Variants in TJP1 observed in about 807,000 individuals in gnomAD.
The protein encoded by TJP1 is tight junction protein ZO-1.
TJP1 carries 43 observed loss-of-function variants against 194.2 expected under a neutral mutation model. That is an observed-to-expected ratio of 0.22 (90% CI 0.17 to 0.29). The LOEUF (loss-of-function observed/expected upper bound fraction) is 0.29, where lower values mean the gene tolerates loss of function less well. TJP1 is among the 10% of genes least tolerant of loss of function. The pLI, the probability that TJP1 is intolerant of heterozygous loss-of-function variation, is 1.00. For missense variants in TJP1, 1,971 were observed against 2,185.7 expected (o/e 0.90, Z 1.96); for synonymous variants, 801 against 779.0 (o/e 1.03, Z -0.47).
intron 1 of TJP1, among the ~76,000 whole-genome samples, chr15:29,813,569 T>C (rs905125850): frequency 6.6e-6 from 1 of 152,172 alleles, no homozygotes; most frequent in African/African-American, 2.4e-5. Flanking sequence ...GAATTCACAC[T>C]AGAAGATTCT....
Position 29,701,830 on chromosome 15 carries a change from T to C in TJP1, c.5213-141A>G, listed in dbSNP as rs1871677. 2.6e-3 allele frequency: 1,633 copies of C among 623,736 alleles called. 20 individuals carry two copies. The highest frequency in any genetic ancestry group is 0.024 in the African/African-American group (1,326 of 54,826). The allele number at this position is 623,736 out of a possible 1,614,324, so 38.6% of individuals were successfully genotyped here. On this transcript the variant is annotated intron_variant, in intron 27 of 27. Coordinates refer to ENST00000614355, the MANE Select transcript of TJP1 (RefSeq NM_001330239.4). ...CATATTGAATTTGTATCAAAACACA[T>C]TGCTGTATTTCAAAGCAGATCTGCT...
chr15:29,747,337 A>G (rs4780259), intron 8 of TJP1, among the ~76,000 whole-genome samples: 120,860 of 152,118 alleles, frequency 0.79, 48,519 homozygotes, highest in East Asian at 0.86. Flanking sequence ...ATTTTTAGCC[A>G]TTACTTGTGT....
intron 18 of TJP1, among the ~76,000 whole-genome samples, chr15:29,720,986 A>ATT (rs2042895967): frequency 6.6e-6 from 1 of 152,076 alleles, no homozygotes; most frequent in Non-Finnish European, 1.5e-5. Context: ...CAACGAAGAA[A>ATT]CTCTGACACT....
At chr15:29,945,481 T>C (rs942604887) in intron 2 of TJP1, among the ~76,000 whole-genome samples, 10 of 152,184 alleles carry the variant, frequency 6.6e-5, no homozygotes, top group African/African-American at 2.4e-4. Context: ...AGAGCTCCTC[T>C]ACTCTCTCTC....
intron 2 of TJP1, among the ~76,000 whole-genome samples, chr15:29,860,257 G>A (rs1020886559): frequency 5.3e-5 from 8 of 152,154 alleles, no homozygotes; most frequent in African/African-American, 1.9e-4. Context: ...CACTGTTTAA[G>A]TGTTATTGCA....
chr15:29,794,599 G>A (rs1338774616), intron 2 of TJP1, among the ~76,000 whole-genome samples: 1 of 152,108 alleles, frequency 6.6e-6, no homozygotes, highest in Admixed American at 6.5e-5. Context: ...ATGAGACACA[G>A]GTCTGTGGCA....
intron 2 of TJP1, among the ~76,000 whole-genome samples, chr15:29,863,069 C>T (rs1029017221): frequency 2.6e-5 from 4 of 151,530 alleles, no homozygotes; most frequent in African/African-American, 7.3e-5. Flanking sequence ...CCAAGGTGGG[C>T]GGATTCCCTG....
At chr15:29,914,739 C>T (rs1375742477) in intron 2 of TJP1, among the ~76,000 whole-genome samples, 2 of 152,130 alleles carry the variant, frequency 1.3e-5, no homozygotes, top group Non-Finnish European at 2.9e-5. Flanking sequence ...TAGCAGAGTG[C>T]TGTCACCTGA....
At position 29,742,776 on chromosome 15, in the gene TJP1, C is replaced by T; in HGVS notation, c.1016G>A (p.Arg339Gln). The change falls in exon 9 of 28, where the codon CGG becomes CAG. Residue 339 changes from arginine (R) to glutamine (Q), a missense_variant. Transcript: ENST00000614355. ...AGAAATTCTCTCTTCATCTCTACTC[C>T]GGAGACTGTGTGTCATTAAAATAAA... ...SPQQPSNGSL[R>Q]SRDEERISKP... 4 of 1,583,912 alleles carry T rather than the reference C, an allele frequency of 2.5e-6. No individual in the cohort carries two copies. The highest frequency in any genetic ancestry group is 3.4e-6 in the Non-Finnish European group (4 of 1,169,212).
intron 2 of TJP1, among the ~76,000 whole-genome samples, chr15:29,791,572 C>G (rs1403321811): frequency 6.6e-6 from 1 of 151,342 alleles, no homozygotes; most frequent in Non-Finnish European, 1.5e-5. Context: ...AGGCGCCCAC[C>G]ACCACGCTCG....
chr15:29,700,503 G>A lies in TJP1; in HGVS notation c.*1092C>T. ...ATAGAAACGCTGCTTTATTGCTGCA[G>A]AGGTCAAAGTTCAAGGCTCAAGAGG... On this transcript the variant is annotated 3_prime_UTR_variant, in exon 28 of 28. Transcript: ENST00000614355. 1 of 398,862 alleles carries A rather than the reference G, an allele frequency of 2.5e-6. No individual in the cohort carries two copies. 24.7% of individuals were successfully genotyped at this position (398,862 alleles called of 1,614,324 possible).
At chr15:29,848,827 C>T (rs1336214026) in intron 2 of TJP1, among the ~76,000 whole-genome samples, 1 of 152,018 alleles carries the variant, frequency 6.6e-6, no homozygotes, top group Non-Finnish European at 1.5e-5. Context: ...CCACTGAACA[C>T]CAGCCTGGCG....
chr15:29,841,715 TCCTC>T (rs1404100926), intron 2 of TJP1, among the ~76,000 whole-genome samples: 9 of 152,042 alleles, frequency 5.9e-5, no homozygotes, highest in African/African-American at 1.4e-4. Context: ...TCCTTCCTCC[TCCTC>T]CCTCCCTCCC....
At chr15:29,807,797 T>C (rs1396362385) in intron 1 of TJP1, among the ~76,000 whole-genome samples, 2 of 152,148 alleles carry the variant, frequency 1.3e-5, no homozygotes, top group Non-Finnish European at 1.5e-5. Flanking sequence ...AAAAAAGTTA[T>C]AATGGTATAG....
intron 1 of TJP1, among the ~76,000 whole-genome samples, chr15:29,965,685 T>C (rs74008639): frequency 6.6e-6 from 1 of 152,290 alleles, no homozygotes; most frequent in African/African-American, 2.4e-5. Flanking sequence ...GCTATGAAAC[T>C]AGCAAAATGA....
Position 29,710,155 on chromosome 15 carries a change from A to G in TJP1, c.4372+676T>C, listed in dbSNP as rs1056905984. Reference sequence around the variant, plus strand: ...CAAGGCTTCGTCTCAAAAAGAGGAAAAAAAAAAAGAGAAAAGGCATAAGGA... The same window carrying G: ...CAAGGCTTCGTCTCAAAAAGAGGAAGAAAAAAAAGAGAAAAGGCATAAGGA... On this transcript the variant is annotated intron_variant, in intron 24 of 27. Transcript: ENST00000614355. Among the ~76,000 whole-genome samples the G allele has an allele frequency of 4.6e-5, 7 of 152,272 alleles. No homozygotes were observed. The East Asian group carries it at 1.4e-3, about 29-fold the overall frequency.
rs757048436 is a variant in TJP1, at chr15:29,701,545, G to C, written c.*50C>G. 6.0e-5 allele frequency: 88 copies of C among 1,466,062 alleles called. No individual in the cohort carries two copies. Among genetic ancestry groups the C allele is most frequent in the Non-Finnish European group, 8.3e-5 (87 of 1,048,340 alleles). 90.8% of individuals were successfully genotyped at this position (1,466,062 alleles called of 1,614,324 possible). ...ATACTTGATAGAGTGGTTCCATTTA[G>C]ATTAAGTTTAATCCAGTTTCACATT... On this transcript the variant is annotated 3_prime_UTR_variant, in exon 28 of 28. Transcript: ENST00000614355.
At chr15:29,948,437 C>T (rs534506102) in intron 2 of TJP1, among the ~76,000 whole-genome samples, 1 of 152,274 alleles carries the variant, frequency 6.6e-6, no homozygotes, top group African/African-American at 2.4e-5. Flanking sequence ...GGTCAAAGAA[C>T]CCAGCTAAGA....
At chr15:29,704,365 A>G in intron 26 of TJP1, 60 bp from the exon 27 acceptor site, 1 of 1,523,046 alleles carries the variant, frequency 6.6e-7, no homozygotes, top group Non-Finnish European at 8.9e-7. Flanking sequence ...CTAGAATCCC[A>G]GTTTTCCTCA....
Sources: gnomAD v4.1 joint callset for allele counts (sites outside exome capture counted in the v4.1 genomes callset) on GRCh38, gnomAD v4.1.1 for gene constraint, MANE v1.5 for transcripts, NCBI Gene and HGNC (gene_info 2026-07-23, HGNC 2026-07-21) for gene names.